Variants in TOGARAM1 observed in about 807,000 individuals in gnomAD.
TOGARAM1 encodes TOG array regulator of axonemal microtubules protein 1.
TOGARAM1 carries 100 observed loss-of-function variants against 166.6 expected under a neutral mutation model. That is an observed-to-expected ratio of 0.60 (90% CI 0.51 to 0.71). The LOEUF (loss-of-function observed/expected upper bound fraction) is 0.71. Ranked by LOEUF, TOGARAM1 falls within the 30% of genes least tolerant of loss-of-function variation. The pLI, the probability that TOGARAM1 is intolerant of heterozygous loss-of-function variation, is 0.00. For synonymous variants in TOGARAM1, 758 were observed against 763.8 expected (o/e 0.99, Z 0.13); for missense variants, 2,029 against 2,102.7 (o/e 0.96, Z 0.69).
intron 10 of TOGARAM1, 91 bp from the exon 11 acceptor site, chr14:45,032,132 C>G (rs550379070): frequency 2.6e-5 from 30 of 1,165,970 alleles, no homozygotes; most frequent in Admixed American, 7.8e-5. Context: ...TGCACCCTAG[C>G]CTGGGCAACA....
chr14:44,971,787 C>G (rs1885898102), intron 1 of TOGARAM1, among the ~76,000 whole-genome samples: 1 of 152,098 alleles, frequency 6.6e-6, no homozygotes, highest in African/African-American at 2.4e-5. Context: ...CTTGAGATTT[C>G]TTTGACTTGT....
chr14:45,015,571 G>A (rs1880080926), intron 7 of TOGARAM1, among the ~76,000 whole-genome samples: 1 of 150,382 alleles, frequency 6.6e-6, no homozygotes, highest in Admixed American at 6.6e-5. Flanking sequence ...CCTACATTAG[G>A]GTTTTGCTTT....
Position 44,963,332 on chromosome 14 carries a change from G to A in TOGARAM1, c.911G>A (p.Arg304Lys). 2 of 1,614,180 alleles carry A rather than the reference G, an allele frequency of 1.2e-6. No homozygotes were observed. ...ATTTCTCGTCTGCCCTCTGCCCTGAGGAGACACTACAATCGCCGCCTGGAG... is the reference window on the plus strand; with the variant it reads ...ATTTCTCGTCTGCCCTCTGCCCTGAAGAGACACTACAATCGCCGCCTGGAG... ...SYISRLPSAL[R>K]RHYNRRLESQ... Residue 304 changes from arginine to lysine, a missense_variant, in exon 1 of 20, where the codon AGG becomes AAG. Coordinates refer to ENST00000361462, the MANE Select transcript of TOGARAM1 (RefSeq NM_001308120.2).
At chr14:45,022,099 A>G (rs1284217441) in intron 7 of TOGARAM1, among the ~76,000 whole-genome samples, 1 of 151,918 alleles carries the variant, frequency 6.6e-6, no homozygotes, top group Non-Finnish European at 1.5e-5. Context: ...TGTGGCCTCC[A>G]GGTGCAGTGT....
At position 44,962,210 on chromosome 14, in the gene TOGARAM1, C is replaced by T. The variant is rs114085255; in HGVS notation, c.-212C>T. The T allele has an allele frequency of 5.8e-6, 3 of 516,216 alleles. No individual in the cohort carries two copies. In the South Asian group the frequency reaches 1.1e-4, roughly 18 times the overall value. 32.0% of individuals were successfully genotyped at this position (516,216 alleles called of 1,614,324 possible). On this transcript the variant is annotated 5_prime_UTR_variant, in exon 1 of 20. Coordinates refer to ENST00000361462, the MANE Select transcript of TOGARAM1 (RefSeq NM_001308120.2). Reference sequence around the variant, plus strand: ...TGGTCACGTGGTGCCCTTGGTTACGCCCGGTGGCAGCTGTGGGGTCTAGGG... The same window carrying T: ...TGGTCACGTGGTGCCCTTGGTTACGTCCGGTGGCAGCTGTGGGGTCTAGGG...
intron 1 of TOGARAM1, among the ~76,000 whole-genome samples, chr14:44,968,470 G>C (rs561871195): frequency 2.6e-4 from 39 of 152,252 alleles, no homozygotes; most frequent in African/African-American, 9.1e-4. Context: ...GGATGGTCTC[G>C]ATCTCCTGAC....
chr14:44,974,425 A>G (rs1255012984), intron 1 of TOGARAM1, among the ~76,000 whole-genome samples: 1 of 152,090 alleles, frequency 6.6e-6, no homozygotes, highest in Non-Finnish European at 1.5e-5. Flanking sequence ...TTTTCATTAT[A>G]GCCCTTAGTA....
At position 44,963,021 on chromosome 14, in the gene TOGARAM1, G is replaced by T. The variant is rs773795872; in HGVS notation, c.600G>T (p.Leu200=). 6.2e-7 allele frequency: 1 copy of T among 1,614,178 alleles called. No individual in the cohort carries two copies. Among genetic ancestry groups the T allele is most frequent in the Non-Finnish European group, 8.5e-7 (1 of 1,180,032 alleles). Residue 200 remains leucine (L), a synonymous_variant, in exon 1 of 20, where the codon CTG becomes CTT. Transcript: ENST00000361462. The part of the protein sequence containing the change: ...EENPALRKDA[L]QILHICLKRS... ...ATCCAGCCCTGCGGAAAGATGCGCT[G>T]CAGATCCTTCATATATGTCTGAAAC...
At chr14:45,036,899 T>C (rs779380446) in intron 11 of TOGARAM1, among the ~76,000 whole-genome samples, 1 of 152,222 alleles carries the variant, frequency 6.6e-6, no homozygotes, top group Non-Finnish European at 1.5e-5. Flanking sequence ...TCCACATGAC[T>C]GGGGAGGCCT....
In TOGARAM1 at chr14:45,074,217, T is replaced by C. The variant is rs868024693; in HGVS notation, c.*656T>C. ...TTAAATGCACGTTTAAAAAACGTGT[T>C]GAATGTAACCCCCCTATTTTTGTGT... On this transcript the variant is annotated 3_prime_UTR_variant, in exon 20 of 20. Coordinates refer to ENST00000361462, the MANE Select transcript of TOGARAM1 (RefSeq NM_001308120.2). 1 of 152,666 alleles carries C rather than the reference T, an allele frequency of 6.6e-6. No individual in the cohort carries two copies. Among genetic ancestry groups the C allele is most frequent in the African/African-American group, 2.4e-5 (1 of 41,464 alleles). 9.5% of individuals were successfully genotyped at this position (152,666 alleles called of 1,614,324 possible).
At chr14:45,071,285 GTTTT>G (rs10711034) in intron 18 of TOGARAM1, among the ~76,000 whole-genome samples, 1 of 138,196 alleles carries the variant, frequency 7.2e-6, no homozygotes, top group African/African-American at 2.7e-5. Context: ...GATTCAGGCA[GTTTT>G]TTTTTTTTTT....
At chr14:45,056,695 T>G (rs1284406426) in intron 16 of TOGARAM1, among the ~76,000 whole-genome samples, 2 of 152,190 alleles carry the variant, frequency 1.3e-5, no homozygotes, top group East Asian at 3.8e-4. Flanking sequence ...TAAACCATCC[T>G]TGCATCCCTG....
intron 1 of TOGARAM1, among the ~76,000 whole-genome samples, chr14:44,994,362 AC>A (rs1429223300): frequency 1.3e-5 from 2 of 151,858 alleles, no homozygotes; most frequent in African/African-American, 4.8e-5. Flanking sequence ...CAAGTGACCC[AC>A]CCACCTTGGC....
chr14:45,050,307 C>G (rs1373496682), intron 14 of TOGARAM1, among the ~76,000 whole-genome samples: 1 of 152,138 alleles, frequency 6.6e-6, no homozygotes, highest in Admixed American at 6.5e-5. Context: ...GGCTGGAGTA[C>G]AGTGGTATAA....
At chr14:45,062,202 A>G (rs1337532868) in intron 16 of TOGARAM1, among the ~76,000 whole-genome samples, 2 of 152,200 alleles carry the variant, frequency 1.3e-5, no homozygotes, top group African/African-American at 2.4e-5. Flanking sequence ...TGTTCTATCA[A>G]TTGCTGAGAT....
chr14:45,073,577 C>T lies in TOGARAM1; in HGVS notation c.*16C>T. ...TGAATTATGAATCTTCGATAAAATA[C>T]TGTATGATGAACAAAAGTGTTTACA... On this transcript the variant is annotated 3_prime_UTR_variant, in exon 20 of 20. Coordinates refer to ENST00000361462, the MANE Select transcript of TOGARAM1 (RefSeq NM_001308120.2). 1.2e-6 allele frequency: 2 copies of T among 1,602,268 alleles called. No individual in the cohort carries two copies. Among genetic ancestry groups the T allele is most frequent in the Non-Finnish European group, 1.7e-6 (2 of 1,173,658 alleles).
At chr14:44,983,717 A>G (rs1205110446) in intron 1 of TOGARAM1, among the ~76,000 whole-genome samples, 1 of 152,238 alleles carries the variant, frequency 6.6e-6, no homozygotes, top group African/African-American at 2.4e-5. Flanking sequence ...GTATGGGTTA[A>G]TCCTAAAACT....
At chr14:44,999,940 C>G (rs1007380261) in intron 3 of TOGARAM1, among the ~76,000 whole-genome samples, 57 of 152,204 alleles carry the variant, frequency 3.7e-4, no homozygotes, top group African/African-American at 1.2e-3. Context: ...CTATAGTCAC[C>G]TTATTGTGCT....
intron 1 of TOGARAM1, among the ~76,000 whole-genome samples, chr14:44,985,094 A>G (rs985356033): frequency 2.6e-5 from 4 of 151,946 alleles, no homozygotes; most frequent in African/African-American, 9.7e-5. Flanking sequence ...GCTCACTGCA[A>G]CCTCTGCCTC....
Sources: allele counts gnomAD v4.1 joint callset (sites outside exome capture counted in the v4.1 genomes callset), GRCh38; gene constraint gnomAD v4.1.1; transcripts MANE v1.5; gene names NCBI Gene and HGNC (gene_info 2026-07-23, HGNC 2026-07-21).